The following DOK2 variants were observed in gnomAD, a reference collection of about 807,000 sequenced individuals.
The protein encoded by DOK2 is docking protein 2, also known as docking protein 2, 56kD.
A neutral mutation model predicts 26.0 loss-of-function variants in DOK2; 28 were observed. The ratio of observed to expected loss-of-function variants is 1.08; its 90% confidence interval spans 0.80 to 1.48. The LOEUF is 1.48. Ranked by LOEUF, DOK2 falls within the 40% of genes most tolerant of loss-of-function variation. The pLI, the probability that DOK2 is intolerant of heterozygous loss-of-function variation, is 0.00. For synonymous variants in DOK2, 282 were observed against 236.9 expected (o/e 1.19, Z -1.75); for missense variants, 682 against 558.2 (o/e 1.22, Z -2.23).
chr8:21,910,486 C>A (rs578115923), intron 4 of DOK2, among the ~76,000 whole-genome samples, 187 bp downstream of exon 4: 1 of 152,182 alleles, frequency 6.6e-6, no homozygotes, highest in Non-Finnish European at 1.5e-5. Context: ...CTGTTTACCC[C>A]TCTACGGTCT....
rs375844220 is a variant in DOK2, at chr8:21,912,321, A to C, written c.253T>G (p.Phe85Val). The change falls in exon 2 of 5, where the codon TTC becomes GTC. Residue 85 changes from phenylalanine to valine, a missense_variant. By Grantham distance (50) the Phe-to-Val change is conservative (BLOSUM62 -1). Coordinates refer to ENST00000276420, the MANE Select transcript of DOK2 (RefSeq NM_003974.4). ...TACAGGCGCTCCTTGGTCTCCAGGA[A>C]GAAGGCACTGGTGTCCCGGGGGCTG... ...ASSPRDTSAF[F>V]LETKERLYLL... 5 of 1,606,970 alleles carry C rather than the reference A, an allele frequency of 3.1e-6. No individual in the cohort carries two copies. In the East Asian group the frequency reaches 1.1e-4, roughly 36 times the overall value.
intron 1 of DOK2, 141 bp from the exon 2 acceptor site, chr8:21,912,651 T>G (rs1255566578): frequency 7.6e-6 from 6 of 792,110 alleles, no homozygotes; most frequent in Admixed American, 3.0e-5. Context: ...GAAGATCACA[T>G]GAGACCCAGG....
Position 21,909,206 on chromosome 8 carries a change from G to T in DOK2, c.*105C>A. The T allele has an allele frequency of 7.3e-7, 1 of 1,377,808 alleles. No individual in the cohort carries two copies. Among genetic ancestry groups the T allele is most frequent in the Non-Finnish European group, 9.8e-7 (1 of 1,016,946 alleles). 85.3% of individuals were successfully genotyped at this position (1,377,808 alleles called of 1,614,324 possible). On this transcript the variant is annotated 3_prime_UTR_variant, in exon 5 of 5. Coordinates refer to ENST00000276420, the MANE Select transcript of DOK2 (RefSeq NM_003974.4). ...TATCAGCCCCAACGAAGACAGGCCA[G>T]GCCTCGGGCTCCAGAAGGGGCAGAG...
rs74909419 is a variant in DOK2 at position 21,909,754 on chromosome 8, G to A, written c.796C>T (p.Arg266Trp). The A allele has an allele frequency of 1.1e-3, 1,758 of 1,613,796 alleles. 18 individuals are homozygous for A. In the African/African-American group the frequency reaches 0.019, roughly 18 times the overall value. Reference protein sequence around the residue: ...QPATIPASLPRPDSPYSRPHD... With the variant: ...QPATIPASLPWPDSPYSRPHD... ...GGCCGAGAGTAGGGGCTATCAGGCC[G>A]GGGCAGCGACGCGGGGATTGTGGCT... Residue 266 changes from arginine (R) to tryptophan (W), a missense_variant, in exon 5 of 5, where the codon CGG becomes TGG. Arg to Trp is a moderately radical substitution (Grantham distance 101). Transcript: ENST00000276420.
chr8:21,911,539 C>T (rs540557349), intron 3 of DOK2, among the ~76,000 whole-genome samples: 3 of 152,292 alleles, frequency 2.0e-5, no homozygotes, highest in East Asian at 1.9e-4. Flanking sequence ...ACCCGGGAAG[C>T]GGCGGTTGCA....
Position 21,913,552 on chromosome 8 carries a change from T to G in DOK2, c.50A>C (p.Gln17Pro). The part of the protein sequence containing the change: ...KQGFLYLQQQ[Q>P]TFGKKWRRFG... ...CCTCACTCCTACCTTTCCAAACGTC[T>G]GCTGCTGCTGAAGATACAAGAAGCC... Residue 17 changes from glutamine to proline, a missense_variant, in exon 1 of 5, where the codon CAG (glutamine) becomes CCG (proline). Physicochemically the swap from Gln to Pro is moderately conservative, Grantham distance 76. Transcript: ENST00000276420. 1 of 1,613,952 alleles carries G rather than the reference T, an allele frequency of 6.2e-7. No individual in the cohort carries two copies. Among genetic ancestry groups the G allele is most frequent in the East Asian group, 2.2e-5 (1 of 44,856 alleles).
rs999857098 is a variant in DOK2, at chr8:21,909,194, G to C, written c.*117C>G. The stretch of plus-strand genomic sequence containing the variant: ...GGAGAGGCAATTTATCAGCCCCAAC[G>C]AAGACAGGCCAGGCCTCGGGCTCCA... On this transcript the variant is annotated 3_prime_UTR_variant, in exon 5 of 5. Transcript: ENST00000276420. The C allele has an allele frequency of 5.6e-5, 73 of 1,304,798 alleles. 1 individual carries two copies. The highest frequency in any genetic ancestry group is 7.4e-5 in the Non-Finnish European group (71 of 954,992). The allele number at this position is 1,304,798 out of a possible 1,614,324, so 80.8% of individuals were successfully genotyped here. A position where few individuals can be genotyped will look rare whatever the true frequency, so the allele number is the denominator to read the frequency against.
Position 21,909,278 on chromosome 8 carries a change from A to G in DOK2, c.*33T>C. Reference sequence around the variant, plus strand: ...CCAGGAGGAGTCACCAGCAGAAGCCAAGGGGCGGTGGACCATCCCTCTGCT... The same window carrying G: ...CCAGGAGGAGTCACCAGCAGAAGCCGAGGGGCGGTGGACCATCCCTCTGCT... On this transcript the variant is annotated 3_prime_UTR_variant, in exon 5 of 5. Coordinates refer to ENST00000276420, the MANE Select transcript of DOK2 (RefSeq NM_003974.4). 6.6e-7 allele frequency: 1 copy of G among 1,514,960 alleles called. No homozygotes were observed. The highest frequency in any genetic ancestry group is 8.8e-7 in the Non-Finnish European group (1 of 1,132,514). The allele number at this position is 1,514,960 out of a possible 1,614,324, so 93.8% of individuals were successfully genotyped here.
At chr8:21,912,534 G>C in intron 1 of DOK2, 24 bp from the exon 2 acceptor site, 2 of 1,473,114 alleles carry the variant, frequency 1.4e-6, no homozygotes, top group Non-Finnish European at 1.8e-6. Context: ...GTGGGAGGCG[G>C]GGGCGGGAGG....
At chr8:21,912,992 G>A (rs1018187284) in intron 1 of DOK2, among the ~76,000 whole-genome samples, 11 of 152,164 alleles carry the variant, frequency 7.2e-5, no homozygotes, top group African/African-American at 2.7e-4. Flanking sequence ...TCCTTGATAG[G>A]TTGGGCCATG....
In DOK2 at chr8:21,910,777, G is replaced by C; in HGVS notation, c.514C>G (p.Leu172Val). 6.2e-7 allele frequency: 1 copy of C among 1,613,958 alleles called. No individual in the cohort carries two copies. ...TCCAGGGCACTCTCCCCAGCCCGGAGGGTATAGGACCCCCGCAGGTGGCAC... is the reference window on the plus strand; with the variant it reads ...TCCAGGGCACTCTCCCCAGCCCGGACGGTATAGGACCCCCGCAGGTGGCAC... ...ERCHLRGSYT[L>V]RAGESALELW... Residue 172 changes from leucine to valine, a missense_variant, in exon 4 of 5, where the codon CTC becomes GTC. Coordinates refer to ENST00000276420, the MANE Select transcript of DOK2 (RefSeq NM_003974.4).
At chr8:21,912,039 C>T (rs1327943816) in intron 2 of DOK2, 51 bp from the exon 3 acceptor site, 26 of 1,527,560 alleles carry the variant, frequency 1.7e-5, no homozygotes, top group Non-Finnish European at 1.9e-5. Context: ...CCAGGCCCCC[C>T]TCTGGCCCAG....
rs142966461 is a variant in DOK2, at chr8:21,909,641, G to C, written c.909C>G (p.Phe303Leu). ...RGQEGEYAVP[F>L]DAVARSLGKN... ...TCCCCAAGGAACGGGCCACCGCATC[G>C]AAGGGCACGGCATACTCCCCCTCCT... The change falls in exon 5 of 5, where the codon TTC (phenylalanine) becomes TTG (leucine). Residue 303 changes from phenylalanine to leucine, a missense_variant. Coordinates refer to ENST00000276420, the MANE Select transcript of DOK2 (RefSeq NM_003974.4). 54 of 1,613,222 alleles carry C rather than the reference G, an allele frequency of 3.3e-5. No homozygotes were observed. Among genetic ancestry groups the C allele is most frequent in the Non-Finnish European group, 4.2e-5 (49 of 1,180,042 alleles).
intron 4 of DOK2, 90 bp from the exon 5 acceptor site, chr8:21,910,021 C>T (rs1431046877): frequency 7.1e-7 from 1 of 1,417,334 alleles, no homozygotes; most frequent in Non-Finnish European, 9.4e-7. Flanking sequence ...CTCACTGTGT[C>T]TCCAGGCTGG....
chr8:21,909,376 A>G lies in DOK2; in HGVS notation c.1174T>C (p.Ser392Pro). 1.9e-6 allele frequency: 3 copies of G among 1,587,788 alleles called. No homozygotes were observed. Among genetic ancestry groups the G allele is most frequent in the Non-Finnish European group, 2.6e-6 (3 of 1,166,582 alleles). The change falls in exon 5 of 5, where the codon TCT becomes CCT. Residue 392 changes from serine to proline, a missense_variant. Transcript: ENST00000276420. ...GTTCCTGGCTGCCAGCCAGAAGCAG[A>G]GAAATCCTGCCCGGCTGGCTGGACA... is the stretch of plus-strand genomic sequence containing the variant. ...QHVQPAGQDF[S>P]ASGWQPGTEY...
At position 21,909,800 on chromosome 8, in the gene DOK2, G is replaced by GGGTGCAGCA; in HGVS notation, c.741_749dup (p.Ala249_Ala251dup). The GGGTGCAGCA allele has an allele frequency of 6.2e-7, 1 of 1,613,920 alleles. No individual in the cohort carries two copies. Among genetic ancestry groups the GGGTGCAGCA allele is most frequent in the Non-Finnish European group, 8.5e-7 (1 of 1,180,020 alleles). ...TGGCTGGCTGCGGTTGGGGTGTAGC[G>GGGTGCAGCA]GGTGCAGCATTCTTCTGGGCAGAGA... On this transcript the variant is annotated inframe_insertion, in exon 5 of 5. Coordinates refer to ENST00000276420, the MANE Select transcript of DOK2 (RefSeq NM_003974.4).
At position 21,912,344 on chromosome 8, in the gene DOK2, C is replaced by T; in HGVS notation, c.230G>A (p.Ser77Asn). The stretch of plus-strand genomic sequence containing the variant: ...GAAGAAGGCACTGGTGTCCCGGGGG[C>T]TGCTGGCCTCTCCGCCGGCCTCGGC... ...RVAEAGGEAS[S>N]PRDTSAFFLE... is the part of the protein sequence containing the mutation. The change falls in exon 2 of 5, where the codon AGC becomes AAC. Residue 77 changes from serine to asparagine, a missense_variant. By Grantham distance (46) the Ser-to-Asn change is conservative. Transcript: ENST00000276420. 1 of 1,607,536 alleles carries T rather than the reference C, an allele frequency of 6.2e-7. No homozygotes were observed. Among genetic ancestry groups the T allele is most frequent in the Non-Finnish European group, 8.5e-7 (1 of 1,178,472 alleles).
In DOK2 at chr8:21,913,439, A is replaced by T. The variant is rs1319402419; in HGVS notation, c.63+100T>A. 10 of 1,433,742 alleles carry T rather than the reference A, an allele frequency of 7.0e-6. No homozygotes were observed. The East Asian group carries it at 2.1e-4, about 30-fold the overall frequency. The allele number at this position is 1,433,742 out of a possible 1,614,324, so 88.8% of individuals were successfully genotyped here. A position where few individuals can be genotyped will look rare whatever the true frequency, so the allele number is the denominator to read the frequency against. ...GGTCTAACTTGGTGGGTGCACAGTC[A>T]GACCTATAAGGGTTTTGAATATGAA... On this transcript the variant is annotated intron_variant, in intron 1 of 4. Coordinates refer to ENST00000276420, the MANE Select transcript of DOK2 (RefSeq NM_003974.4).
At position 21,910,830 on chromosome 8, in the gene DOK2, G is replaced by A; in HGVS notation, c.461C>T (p.Thr154Ile). 6.2e-7 allele frequency: 1 copy of A among 1,611,980 alleles called. No individual in the cohort carries two copies. The highest frequency in any genetic ancestry group is 8.5e-7 in the Non-Finnish European group (1 of 1,179,068). Reference sequence around the variant, plus strand: ...CTCACTGGCTTCTGTAGGTCTCATGGTCACAGCAAATTCCTTGTGGGGGCC... The same window carrying A: ...CTCACTGGCTTCTGTAGGTCTCATGATCACAGCAAATTCCTTGTGGGGGCC... The part of the protein sequence containing the change: ...TVGPHKEFAV[T>I]MRPTEASERC... The change falls in exon 4 of 5, where the codon ACC becomes ATC. Residue 154 changes from threonine to isoleucine, a missense_variant. By Grantham distance (89) the Thr-to-Ile change is moderately conservative (BLOSUM62 -1). Coordinates refer to ENST00000276420, the MANE Select transcript of DOK2 (RefSeq NM_003974.4).
Sources: allele counts gnomAD v4.1 joint callset (sites outside exome capture counted in the v4.1 genomes callset), GRCh38; gene constraint gnomAD v4.1.1; transcripts MANE v1.5; gene names NCBI Gene and HGNC (gene_info 2026-07-23, HGNC 2026-07-21).